Variants in PEBP4 observed in about 807,000 individuals in gnomAD.
PEBP4 encodes the protein phosphatidylethanolamine-binding protein 4.
Under a neutral mutation model 23.9 loss-of-function variants are expected in PEBP4, and 22 were observed. The ratio of observed to expected loss-of-function variants is 0.92; its 90% CI spans 0.66 to 1.31. PEBP4 has a LOEUF of 1.31. Among genes scored for constraint, PEBP4 ranks in the 40% most tolerant of loss-of-function variants. PEBP4 has a pLI of 0.00. For synonymous variants in PEBP4, 112 were observed against 99.3 expected (o/e 1.13, Z -0.76); for missense variants, 324 against 281.7 (o/e 1.15, Z -1.07).
chr8:22,817,749 A>G lies in PEBP4; in HGVS notation c.259-14T>C. The G allele has an allele frequency of 6.2e-7, 1 of 1,609,676 alleles. No homozygotes were observed. Among genetic ancestry groups the G allele is most frequent in the Admixed American group, 1.7e-5 (1 of 60,020 alleles). ...ATAGGTTGCGCCCTGTAACACATGT[A>G]CCGAAAAGTAATGTAGCGTCATGGC... On this transcript the variant is annotated splice_polypyrimidine_tract_variant and intron_variant, in intron 3 of 6. Coordinates refer to ENST00000256404, the MANE Select transcript of PEBP4 (RefSeq NM_144962.3).
chr8:22,779,954 CTT>C (rs11373695), intron 4 of PEBP4, among the ~76,000 whole-genome samples: 19 of 143,174 alleles, frequency 1.3e-4, no homozygotes, highest in Non-Finnish European at 1.2e-4. Flanking sequence ...TTTTTAAAAT[CTT>C]TTTTTTTTTT....
intron 4 of PEBP4, among the ~76,000 whole-genome samples, chr8:22,778,146 CT>C (rs756715921): frequency 2.6e-5 from 4 of 152,066 alleles, no homozygotes; most frequent in Non-Finnish European, 5.9e-5. Context: ...CCATCTACCC[CT>C]GTCTCTACTG....
chr8:22,742,155 A>G (rs1563201015), intron 4 of PEBP4, among the ~76,000 whole-genome samples: 2 of 152,324 alleles, frequency 1.3e-5, no homozygotes, highest in Admixed American at 1.3e-4. Flanking sequence ...ATGGGAAGCT[A>G]AGAGAAACTT....
rs758616756 is a variant in PEBP4, at chr8:22,828,514, T to C, written c.259-10779A>G. 4.6e-5 allele frequency among the ~76,000 whole-genome samples: 7 copies of C among 152,182 alleles called. No homozygotes were observed. The East Asian group carries it at 9.6e-4, about 21-fold the overall frequency. On this transcript the variant is annotated intron_variant, in intron 3 of 6. Coordinates refer to ENST00000256404, the MANE Select transcript of PEBP4 (RefSeq NM_144962.3). ...GCAATTGCTCTCTACCTCTTTCTGT[T>C]TTCCTGGCTTTCCCCTGAAGATCCC...
intron 4 of PEBP4, among the ~76,000 whole-genome samples, chr8:22,789,118 A>AT (rs929165275): frequency 3.7e-4 from 56 of 152,166 alleles, no homozygotes; most frequent in South Asian, 1.2e-3. Flanking sequence ...AATTAATGTC[A>AT]TTTTTTTTCT....
chr8:22,917,722 G>C (rs1809107449), intron 3 of PEBP4, among the ~76,000 whole-genome samples: 1 of 152,202 alleles, frequency 6.6e-6, no homozygotes, highest in Admixed American at 6.5e-5. Flanking sequence ...TCTACTCTCA[G>C]TCCTTGTAGA....
At chr8:22,856,291 G>A (rs539059487) in intron 3 of PEBP4, among the ~76,000 whole-genome samples, 1 of 152,136 alleles carries the variant, frequency 6.6e-6, no homozygotes, top group Admixed American at 6.5e-5. Flanking sequence ...ATCAATTAGG[G>A]TACTATTTTT....
chr8:22,935,424 G>A (rs1809523928), intron 1 of PEBP4, among the ~76,000 whole-genome samples: 1 of 152,188 alleles, frequency 6.6e-6, no homozygotes, highest in Non-Finnish European at 1.5e-5. Flanking sequence ...TACTTGGGAG[G>A]CTGAGGCAGG....
intron 4 of PEBP4, among the ~76,000 whole-genome samples, chr8:22,812,994 C>A (rs1367872287): frequency 6.6e-6 from 1 of 152,158 alleles, no homozygotes; most frequent in African/African-American, 2.4e-5. Flanking sequence ...AGCAGTGGAA[C>A]CGATCACTCA....
chr8:22,743,844 G>C (rs1302687895), intron 4 of PEBP4, among the ~76,000 whole-genome samples: 2 of 152,194 alleles, frequency 1.3e-5, no homozygotes, highest in African/African-American at 4.8e-5. Flanking sequence ...TCCAACACCT[G>C]AGCAGAACTA....
At chr8:22,898,001 C>A (rs1808624120) in intron 3 of PEBP4, among the ~76,000 whole-genome samples, 2 of 152,088 alleles carry the variant, frequency 1.3e-5, no homozygotes, top group African/African-American at 4.8e-5. Context: ...CGTTTTCAAG[C>A]CAAGGAGGGA....
chr8:22,862,880 A>C (rs1271174685), intron 3 of PEBP4, among the ~76,000 whole-genome samples: 1 of 150,046 alleles, frequency 6.7e-6, no homozygotes, highest in Admixed American at 6.7e-5. Flanking sequence ...GGCTCACTGC[A>C]AGCTCCGCCT....
intron 4 of PEBP4, among the ~76,000 whole-genome samples, chr8:22,817,020 T>A (rs543175663): frequency 6.6e-6 from 1 of 152,312 alleles, no homozygotes; most frequent in South Asian, 2.1e-4. Flanking sequence ...TCCCACATAA[T>A]GGCACAAACA....
chr8:22,773,891 G>A lies in PEBP4; in HGVS notation c.357+43746C>T, dbSNP rs118172614. Reference sequence around the variant, plus strand: ...ACCTTCCCTGTTCTGACCAGAGGACGATGGGAGAGTTGGGAAGAAGGTGAA... The same window carrying A: ...ACCTTCCCTGTTCTGACCAGAGGACAATGGGAGAGTTGGGAAGAAGGTGAA... On this transcript the variant is annotated intron_variant, in intron 4 of 6. Transcript: ENST00000256404. 7.4e-3 allele frequency among the ~76,000 whole-genome samples: 1,126 copies of A among 152,212 alleles called. 35 individuals are homozygous for A. In the East Asian group the frequency reaches 0.091, roughly 12 times the overall value.
intron 3 of PEBP4, among the ~76,000 whole-genome samples, chr8:22,844,885 T>C (rs1215833167): frequency 6.6e-6 from 1 of 152,166 alleles, no homozygotes; most frequent in African/African-American, 2.4e-5. Flanking sequence ...ACCCATAAGC[T>C]AGCCAGTGTA....
chr8:22,742,632 G>T (rs915229843), intron 4 of PEBP4, among the ~76,000 whole-genome samples: 1 of 152,192 alleles, frequency 6.6e-6, no homozygotes, highest in Non-Finnish European at 1.5e-5. Flanking sequence ...GAGGTAAGGG[G>T]GTGCTGCCTA....
At chr8:22,824,433 A>C (rs1806925117) in intron 3 of PEBP4, among the ~76,000 whole-genome samples, 1 of 152,060 alleles carries the variant, frequency 6.6e-6, no homozygotes, top group Non-Finnish European at 1.5e-5. Context: ...ATTCTTTAGG[A>C]CAGCGCTCCC....
intron 3 of PEBP4, among the ~76,000 whole-genome samples, chr8:22,907,739 G>T (rs1453525978): frequency 1.3e-5 from 2 of 152,186 alleles, no homozygotes; most frequent in African/African-American, 4.8e-5. Context: ...ACCTGCAGAT[G>T]TAAAGGCTCA....
intron 3 of PEBP4, among the ~76,000 whole-genome samples, chr8:22,850,766 G>C (rs184463668): frequency 3.9e-5 from 6 of 152,226 alleles, no homozygotes; most frequent in Non-Finnish European, 7.3e-5. Context: ...TACGCAGGAA[G>C]ACTGCTGCAT....
Sources: gnomAD v4.1 joint callset for allele counts (sites outside exome capture counted in the v4.1 genomes callset) on GRCh38, gnomAD v4.1.1 for gene constraint, MANE v1.5 for transcripts, NCBI Gene and HGNC (gene_info 2026-07-23, HGNC 2026-07-21) for gene names.